MYOM1: variants seen among roughly 807,000 people sequenced by gnomAD.
MYOM1 encodes the protein myomesin 1.
MYOM1 carries 164 observed loss-of-function variants against 205.3 expected under a neutral mutation model. The ratio of observed to expected loss-of-function variants is 0.80; its 90% CI spans 0.70 to 0.91. MYOM1 has a LOEUF of 0.91. Among genes scored for constraint, MYOM1 ranks in the 40% least tolerant of loss-of-function variants. The probability of loss-of-function intolerance (pLI) is 0.00; values close to 1 mark genes in which losing one functional copy is unlikely to be tolerated. For synonymous variants in MYOM1, 772 were observed against 789.4 expected (o/e 0.98, Z 0.37); for missense variants, 2,011 against 2,127.3 (o/e 0.95, Z 1.08).
chr18:3,116,481 C>T lies in MYOM1; in HGVS notation c.3153G>A (p.Arg1051=). The change falls in exon 21 of 38, where the codon AGG becomes AGA. Residue 1051 remains arginine, a synonymous_variant. Coordinates refer to ENST00000356443, the MANE Select transcript of MYOM1 (RefSeq NM_003803.4). The part of the protein sequence containing the change: ...PPHSLKCSEV[R]KDSLVLQWKP... ...TCCACTGGAGAACCAGTGAGTCTTT[C>T]CTGACTTCACTACACTTGAGACTGT... 6.2e-7 allele frequency: 1 copy of T among 1,606,042 alleles called. No individual in the cohort carries two copies. Among genetic ancestry groups the T allele is most frequent in the Admixed American group, 1.7e-5 (1 of 59,328 alleles).
At chr18:3,238,979 A>G in the MYOM1 span, among the ~76,000 whole-genome samples, 3 of 152,202 alleles carry the variant, frequency 2.0e-5, no homozygotes, top group Admixed American at 2.0e-4. Flanking sequence ...ATAGTACAGG[A>G]TAATCTCTGT....
At chr18:3,191,633 C>A (rs2080906841) in intron 3 of MYOM1, among the ~76,000 whole-genome samples, 1 of 151,916 alleles carries the variant, frequency 6.6e-6, no homozygotes, top group African/African-American at 2.4e-5. Flanking sequence ...TAGGTGATGA[C>A]ATCATATAAG....
intron 12 of MYOM1, 53 bp downstream of exon 12, chr18:3,151,641 G>T (rs895739817): frequency 3.4e-6 from 5 of 1,484,604 alleles, no homozygotes; most frequent in Admixed American, 4.0e-5. Flanking sequence ...GCTGATTCTT[G>T]CAGTCATTTT....
rs146423696 is a variant in MYOM1 at position 3,100,564 on chromosome 18, A to G, written c.3576-138T>C. On this transcript the variant is annotated intron_variant, in intron 23 of 37. Coordinates refer to ENST00000356443, the MANE Select transcript of MYOM1 (RefSeq NM_003803.4). ...CTCATCTTGCTGAGCTACAGCCTAC[A>G]TGTTCTTGGTGTCTCAGATTCAATG... The G allele has an allele frequency of 9.6e-4, 636 of 660,100 alleles. 6 individuals carry two copies. The African/African-American group carries it at 0.01, about 11-fold the overall frequency. The allele number at this position is 660,100 out of a possible 1,614,324, so 40.9% of individuals were successfully genotyped here. A position where few individuals can be genotyped will look rare whatever the true frequency, so the allele number is the denominator to read the frequency against.
In MYOM1 at chr18:3,197,860, G is replaced by A. The variant is rs184064289; in HGVS notation, c.291-3902C>T. ...TGCACTCTGGCCTGGGTGACAGAGC[G>A]AGACTCCATCTCAAAAAAGAAAAAG... On this transcript the variant is annotated intron_variant, in intron 2 of 37. Transcript: ENST00000356443. 5.3e-4 allele frequency among the ~76,000 whole-genome samples: 80 copies of A among 152,080 alleles called. No homozygotes were observed. The East Asian group carries it at 9.5e-3, about 18-fold the overall frequency.
intron 10 of MYOM1, among the ~76,000 whole-genome samples, chr18:3,156,061 C>A (rs927253383): frequency 6.6e-6 from 1 of 152,164 alleles, no homozygotes; most frequent in Non-Finnish European, 1.5e-5. Context: ...TCAGGCACAG[C>A]TGAATTAGTG....
At chr18:3,128,805 C>T (rs2079832615) in intron 18 of MYOM1, among the ~76,000 whole-genome samples, 1 of 152,132 alleles carries the variant, frequency 6.6e-6, no homozygotes, top group Non-Finnish European at 1.5e-5. Flanking sequence ...AAGGTAACAA[C>T]TATGACCCTG....
chr18:3,092,016 G>A (rs1282462275), intron 26 of MYOM1, among the ~76,000 whole-genome samples: 1 of 152,116 alleles, frequency 6.6e-6, no homozygotes, highest in Non-Finnish European at 1.5e-5. Flanking sequence ...ACAGGCATAA[G>A]CCACTGCTCC....
chr18:3,230,492 T>C, the MYOM1 span, among the ~76,000 whole-genome samples: 2 of 152,268 alleles, frequency 1.3e-5, no homozygotes, highest in Admixed American at 6.5e-5. Context: ...ATCAGGCTGG[T>C]TGCCGGCCAA....
intron 22 of MYOM1, among the ~76,000 whole-genome samples, chr18:3,109,972 TG>T (rs1490413616): frequency 1.3e-5 from 2 of 152,122 alleles, no homozygotes; most frequent in Non-Finnish European, 2.9e-5. Context: ...TGGGTTCAAG[TG>T]TGGCTCAGGA....
chr18:3,235,527 G>A, the MYOM1 span, among the ~76,000 whole-genome samples: 18,352 of 152,248 alleles, frequency 0.12, 1,314 homozygotes, highest in East Asian at 0.31. Flanking sequence ...TGCTTCCCTT[G>A]TTGGCCTCAT....
At chr18:3,134,140 C>T (rs2079917269) in intron 16 of MYOM1, among the ~76,000 whole-genome samples, 1 of 152,072 alleles carries the variant, frequency 6.6e-6, no homozygotes, top group African/African-American at 2.4e-5. Context: ...CCACCTTGGC[C>T]TCCCAAAGTG....
chr18:3,166,897 GTC>G (rs2080480222), intron 9 of MYOM1, among the ~76,000 whole-genome samples: 1 of 151,910 alleles, frequency 6.6e-6, no homozygotes, highest in Non-Finnish European at 1.5e-5. Flanking sequence ...AAACATAATC[GTC>G]TCTATAAATA....
chr18:3,108,716 T>C (rs546623501), intron 22 of MYOM1, among the ~76,000 whole-genome samples: 4 of 152,172 alleles, frequency 2.6e-5, no homozygotes, highest in African/African-American at 9.6e-5. Context: ...AATTTTTGTA[T>C]TTTCAGTAGA....
chr18:3,140,895 A>G (rs1264782637), intron 14 of MYOM1, among the ~76,000 whole-genome samples: 1 of 152,236 alleles, frequency 6.6e-6, no homozygotes, highest in Non-Finnish European at 1.5e-5. Context: ...ATAAAATTTA[A>G]AAGTACAAAC....
chr18:3,204,327 T>C (rs2081105311), intron 2 of MYOM1, among the ~76,000 whole-genome samples: 1 of 151,840 alleles, frequency 6.6e-6, no homozygotes, highest in Non-Finnish European at 1.5e-5. Context: ...GTGTAGAAAA[T>C]CCTAAAAAAT....
chr18:3,175,679 T>C (rs1012297126), intron 6 of MYOM1, among the ~76,000 whole-genome samples: 1 of 152,196 alleles, frequency 6.6e-6, no homozygotes, highest in Non-Finnish European at 1.5e-5. Flanking sequence ...ATGATATTGA[T>C]TTGGGACTCT....
chr18:3,098,339 A>G (rs1174142710), intron 25 of MYOM1, among the ~76,000 whole-genome samples: 1 of 151,912 alleles, frequency 6.6e-6, no homozygotes, highest in Non-Finnish European at 1.5e-5. Context: ...GTGCAGTGGC[A>G]CGATCTCGGC....
At chr18:3,124,119 G>A (rs570992051) in intron 19 of MYOM1, among the ~76,000 whole-genome samples, 4 of 151,284 alleles carry the variant, frequency 2.6e-5, no homozygotes, top group South Asian at 2.1e-4. Flanking sequence ...CTACAGGTGC[G>A]AGCCACCATG....
Sources: allele counts gnomAD v4.1 joint callset (sites outside exome capture counted in the v4.1 genomes callset), GRCh38; gene constraint gnomAD v4.1.1; transcripts MANE v1.5; gene names NCBI Gene and HGNC (gene_info 2026-07-23, HGNC 2026-07-21).